TXNRD3: variants seen among roughly 807,000 people sequenced by gnomAD.
TXNRD3 encodes the protein thioredoxin reductase 3, also known as TXNRD3 neighbor gene protein.
TXNRD3 carries 68 observed loss-of-function variants against 78.2 expected under a neutral mutation model. The ratio of observed to expected loss-of-function variants is 0.87; its 90% confidence interval spans 0.72 to 1.06. The LOEUF is 1.06. TXNRD3 is among the 50% of genes least tolerant of loss of function. TXNRD3 has a pLI of 0.00. For missense variants in TXNRD3, 751 were observed against 809.5 expected (o/e 0.93, Z 0.88); for synonymous variants, 296 against 300.1 (o/e 0.99, Z 0.14).
intron 7 of TXNRD3, among the ~76,000 whole-genome samples, chr3:126,632,293 T>G (rs1938736404): frequency 6.6e-6 from 1 of 152,178 alleles, no homozygotes; most frequent in African/African-American, 2.4e-5. Context: ...TAGAGCCAAG[T>G]GCGAAGGCCC....
At chr3:126,648,811 A>G (rs539484521) in intron 1 of TXNRD3, among the ~76,000 whole-genome samples, 1 of 152,314 alleles carries the variant, frequency 6.6e-6, no homozygotes, top group South Asian at 2.1e-4. Flanking sequence ...TATGATCTCA[A>G]AGGCACAAGC....
intron 10 of TXNRD3, among the ~76,000 whole-genome samples, chr3:126,628,836 G>T (rs1377640470): frequency 6.6e-6 from 1 of 151,874 alleles, no homozygotes; most frequent in Non-Finnish European, 1.5e-5. Context: ...TTTTTGCTTT[G>T]TTGATGTTCT....
At chr3:126,626,827 A>T (rs1576287229) in intron 10 of TXNRD3, among the ~76,000 whole-genome samples, 1 of 152,206 alleles carries the variant, frequency 6.6e-6, no homozygotes, top group Admixed American at 6.5e-5. Context: ...GCAGTGGCTG[A>T]TGCCTATAAT....
In TXNRD3 at chr3:126,633,901, A is replaced by C. The variant is rs1325596636; in HGVS notation, c.855+8T>G. Reference sequence around the variant, plus strand: ...GGAGATGAACAAGACAAGAAACTCAAGCACTACCTTTATTTTATGATGTTC... The same window carrying C: ...GGAGATGAACAAGACAAGAAACTCACGCACTACCTTTATTTTATGATGTTC... On this transcript the variant is annotated splice_region_variant and intron_variant, in intron 7 of 15. Coordinates refer to ENST00000524230, the MANE Select transcript of TXNRD3 (RefSeq NM_052883.3). 2.0e-6 allele frequency: 3 copies of C among 1,475,718 alleles called. No individual in the cohort carries two copies. The East Asian group carries it at 7.4e-5, about 37-fold the overall frequency. 91.4% of individuals were successfully genotyped at this position (1,475,718 alleles called of 1,614,324 possible).
At chr3:126,637,163 T>C (rs1366147681) in intron 6 of TXNRD3, among the ~76,000 whole-genome samples, 1 of 152,216 alleles carries the variant, frequency 6.6e-6, no homozygotes, top group East Asian at 1.9e-4. Flanking sequence ...AAGTCAATTC[T>C]GGTCATTTAT....
chr3:126,649,006 T>A (rs1183689531), intron 1 of TXNRD3, among the ~76,000 whole-genome samples: 1 of 152,112 alleles, frequency 6.6e-6, no homozygotes, highest in Non-Finnish European at 1.5e-5. Context: ...CATAGCAAGA[T>A]GCCATCTCTT....
In TXNRD3 at chr3:126,647,287, GTTCT is replaced by G; in HGVS notation, c.249_252del (p.Lys83AsnfsTer42). On this transcript the variant is annotated frameshift_variant, in exon 2 of 16. Coordinates refer to ENST00000524230, the MANE Select transcript of TXNRD3 (RefSeq NM_052883.3). LOFTEE classifies it high-confidence loss of function. ...CATTCGACTCCCAAAGAAGAAAAGA[GTTCT>G]TTCACCTGTAAAAAAAATTTAGCTA... 6.5e-7 allele frequency: 1 copy of G among 1,535,180 alleles called. No homozygotes were observed. The highest frequency in any genetic ancestry group is 8.7e-7 in the Non-Finnish European group (1 of 1,146,556).
Position 126,654,206 on chromosome 3 carries a change from A to G in TXNRD3, c.243+542T>C, listed in dbSNP as rs575773363. 2.0e-5 allele frequency among the ~76,000 whole-genome samples: 3 copies of G among 152,298 alleles called. No homozygotes were observed. The South Asian group carries it at 6.2e-4, about 32-fold the overall frequency. ...CAAATATATTTGAAAAACACAGCCT[A>G]TAATTTCATGAACTCAACCCAATAG... On this transcript the variant is annotated intron_variant, in intron 1 of 15. Transcript: ENST00000524230.
rs1456446561 is a variant in TXNRD3 at position 126,607,635 on chromosome 3, G to GT, written c.*269dup. On this transcript the variant is annotated 3_prime_UTR_variant, in exon 16 of 16. Transcript: ENST00000524230. ...GGAAGCTCAGTCCTGGCTTGCGAGA[G>GT]TCAGCCTTGGCTCACCTCATAACGG... 1 of 315,420 alleles carries GT rather than the reference G, an allele frequency of 3.2e-6. No homozygotes were observed. The highest frequency in any genetic ancestry group is 5.8e-6 in the Non-Finnish European group (1 of 173,666). The allele number at this position is 315,420 out of a possible 1,614,324, so 19.5% of individuals were successfully genotyped here.
intron 12 of TXNRD3, among the ~76,000 whole-genome samples, chr3:126,618,515 A>T (rs1938366266): frequency 6.6e-6 from 1 of 152,214 alleles, no homozygotes; most frequent in Non-Finnish European, 1.5e-5. Context: ...CAGTATATGT[A>T]GAAGAATGAA....
At chr3:126,621,670 G>A in intron 12 of TXNRD3, 72 bp downstream of exon 12, 1 of 1,361,138 alleles carries the variant, frequency 7.3e-7, no homozygotes. Context: ...AGGCACACAA[G>A]TTTTACTTGT....
At chr3:126,623,096 G>C (rs1039633270) in intron 10 of TXNRD3, among the ~76,000 whole-genome samples, 1 of 152,180 alleles carries the variant, frequency 6.6e-6, no homozygotes, top group Non-Finnish European at 1.5e-5. Flanking sequence ...TACTCTTCCA[G>C]AACTGTGAGA....
In TXNRD3 at chr3:126,607,203, T is replaced by C. The variant is rs983100919; in HGVS notation, c.*702A>G. 1 of 152,218 alleles carries C rather than the reference T, an allele frequency of 6.6e-6. No individual in the cohort carries two copies. The highest frequency in any genetic ancestry group is 1.5e-5 in the Non-Finnish European group (1 of 68,032). 9.4% of individuals were successfully genotyped at this position (152,218 alleles called of 1,614,324 possible). On this transcript the variant is annotated 3_prime_UTR_variant, in exon 16 of 16. Coordinates refer to ENST00000524230, the MANE Select transcript of TXNRD3 (RefSeq NM_052883.3). ...AACATGAAAAAGCAATTCAAGTACT[T>C]TTATCTTACATGAGATATTTTGCTC...
At chr3:126,622,415 A>AC (rs1559772750) in intron 11 of TXNRD3, 49 bp downstream of exon 11, 7 of 1,333,536 alleles carry the variant, frequency 5.2e-6, no homozygotes, top group Non-Finnish European at 7.1e-6. Flanking sequence ...TGATCTGCAG[A>AC]AACCTGTTGC....
At chr3:126,628,982 T>C (rs1938645289) in intron 10 of TXNRD3, among the ~76,000 whole-genome samples, 1 of 152,134 alleles carries the variant, frequency 6.6e-6, no homozygotes, top group Non-Finnish European at 1.5e-5. Context: ...CCATGGGTTA[T>C]TTCACATTGT....
intron 1 of TXNRD3, among the ~76,000 whole-genome samples, chr3:126,653,834 G>T (rs1281750957): frequency 6.6e-6 from 1 of 152,090 alleles, no homozygotes; most frequent in Non-Finnish European, 1.5e-5. Context: ...TCATCCCAGG[G>T]AATAGTCAGC....
intron 1 of TXNRD3, among the ~76,000 whole-genome samples, chr3:126,649,097 A>G (rs1040166019): frequency 2.6e-5 from 4 of 152,344 alleles, no homozygotes; most frequent in African/African-American, 9.6e-5. Context: ...CACATATATG[A>G]TAAGGGATTA....
intron 10 of TXNRD3, among the ~76,000 whole-genome samples, chr3:126,623,101 G>A (rs901078841): frequency 2.0e-4 from 31 of 152,284 alleles, no homozygotes; most frequent in South Asian, 8.3e-4. Context: ...TTCCAGAACT[G>A]TGAGAAAATA....
At chr3:126,636,349 G>A (rs1032032828) in intron 6 of TXNRD3, among the ~76,000 whole-genome samples, 8 of 150,558 alleles carry the variant, frequency 5.3e-5, no homozygotes, top group Non-Finnish European at 7.4e-5. Flanking sequence ...TTTTTCTATC[G>A]GCCCTTTGTG....
Sources: allele counts gnomAD v4.1 joint callset (sites outside exome capture counted in the v4.1 genomes callset), GRCh38; gene constraint gnomAD v4.1.1; transcripts MANE v1.5; gene names NCBI Gene and HGNC (gene_info 2026-07-23, HGNC 2026-07-21).